Variants in CDH12 observed in about 807,000 individuals in gnomAD.
CDH12 encodes cadherin-12.
Under a neutral mutation model 74.1 loss-of-function variants are expected in CDH12, and 41 were observed. That is an observed-to-expected ratio of 0.55 (90% CI 0.43 to 0.72). The LOEUF is 0.72. Among genes scored for constraint, CDH12 ranks in the 30% least tolerant of loss-of-function variants. The pLI is 0.00. For missense variants in CDH12, 945 were observed against 977.2 expected, an observed-to-expected ratio of 0.97 and a Z score of 0.44; for synonymous variants, 399 against 355.0, an observed-to-expected ratio of 1.12 and a Z score of -1.39.
intron 1 of CDH12, among the ~76,000 whole-genome samples, chr5:22,568,444 A>C (rs1362451961): frequency 3.3e-5 from 5 of 152,200 alleles, no homozygotes; most frequent in African/African-American, 7.2e-5. Context: ...AGCTACAGTT[A>C]CTTCAAATAC....
intron 1 of CDH12, among the ~76,000 whole-genome samples, chr5:22,567,639 G>T (rs1371331958): frequency 2.0e-5 from 3 of 149,634 alleles, no homozygotes; most frequent in Non-Finnish European, 4.5e-5. Flanking sequence ...ATAATAATCA[G>T]GCAAACTGAA....
intron 3 of CDH12, among the ~76,000 whole-genome samples, chr5:22,342,772 C>CCCTTCCTT (rs1561328590): frequency 7.4e-6 from 1 of 135,540 alleles, no homozygotes; most frequent in Admixed American, 7.4e-5. Flanking sequence ...CTCCCTTCCT[C>CCCTTCCTT]ACTTCCTTCC....
At chr5:22,035,605 A>G (rs1250051012) in intron 5 of CDH12, among the ~76,000 whole-genome samples, 2 of 151,996 alleles carry the variant, frequency 1.3e-5, no homozygotes, top group East Asian at 3.9e-4. Flanking sequence ...TTAGAATATC[A>G]ATCATCATCA....
At chr5:22,795,344 GCAGAA>G (rs1213832238) in intron 1 of CDH12, among the ~76,000 whole-genome samples, 1 of 152,010 alleles carries the variant, frequency 6.6e-6, no homozygotes. Context: ...AAAAATAAGG[GCAGAA>G]CAAGTGTACA....
intron 5 of CDH12, among the ~76,000 whole-genome samples, chr5:22,058,452 C>T (rs944069177): frequency 5.3e-5 from 8 of 152,022 alleles, no homozygotes; most frequent in Admixed American, 3.3e-4. Flanking sequence ...ATGTATTTGT[C>T]CCCAGCAGTA....
chr5:22,742,773 C>T (rs1160388382), intron 1 of CDH12, among the ~76,000 whole-genome samples: 1 of 150,416 alleles, frequency 6.6e-6, no homozygotes, highest in Non-Finnish European at 1.5e-5. Context: ...TAGATATAAA[C>T]ACATATATAT....
At chr5:22,547,513 G>A (rs1262594928) in intron 1 of CDH12, among the ~76,000 whole-genome samples, 2 of 152,018 alleles carry the variant, frequency 1.3e-5, no homozygotes, top group Non-Finnish European at 2.9e-5. Context: ...TTCCTGATTA[G>A]AAATAGAAAT....
At chr5:22,061,226 T>C (rs1470832105) in intron 5 of CDH12, among the ~76,000 whole-genome samples, 3 of 152,190 alleles carry the variant, frequency 2.0e-5, no homozygotes, top group Admixed American at 1.3e-4. Context: ...GTAGAAATAA[T>C]ATGCTTCCTT....
At chr5:22,049,534 T>C (rs957798626) in intron 5 of CDH12, among the ~76,000 whole-genome samples, 4 of 152,140 alleles carry the variant, frequency 2.6e-5, no homozygotes, top group Admixed American at 2.6e-4. Context: ...TTCTAGTCTG[T>C]CCTATTCTCT....
At chr5:22,279,844 C>T (rs1239388331) in intron 3 of CDH12, among the ~76,000 whole-genome samples, 1 of 152,112 alleles carries the variant, frequency 6.6e-6, no homozygotes, top group Non-Finnish European at 1.5e-5. Flanking sequence ...CATACGAGTG[C>T]ATGTGTCTTT....
chr5:22,670,305 C>T (rs2126912287), intron 1 of CDH12, among the ~76,000 whole-genome samples: 1 of 152,254 alleles, frequency 6.6e-6, no homozygotes. Context: ...AAGTGTGATC[C>T]ACCATGCCCA....
intron 1 of CDH12, among the ~76,000 whole-genome samples, chr5:22,785,338 T>C (rs1451510757): frequency 1.3e-5 from 2 of 152,194 alleles, no homozygotes; most frequent in Non-Finnish European, 2.9e-5. Context: ...GTTGTGTACA[T>C]TCTTGATTCT....
At chr5:22,830,195 C>T (rs956573289) in intron 1 of CDH12, among the ~76,000 whole-genome samples, 3 of 151,926 alleles carry the variant, frequency 2.0e-5, no homozygotes, top group Admixed American at 2.0e-4. Context: ...ATGTGAATCA[C>T]AAGACAAAAT....
At chr5:21,902,544 T>C (rs1753439794) in intron 6 of CDH12, among the ~76,000 whole-genome samples, 1 of 151,058 alleles carries the variant, frequency 6.6e-6, no homozygotes, top group Non-Finnish European at 1.5e-5. Flanking sequence ...CTGTCTTCCA[T>C]ATAATCAGAA....
intron 4 of CDH12, among the ~76,000 whole-genome samples, chr5:22,209,860 T>C (rs1472320521): frequency 6.6e-6 from 1 of 152,160 alleles, no homozygotes; most frequent in Non-Finnish European, 1.5e-5. Flanking sequence ...ACAGTCACCA[T>C]ATATGAGGTA....
intron 1 of CDH12, among the ~76,000 whole-genome samples, chr5:22,657,864 C>T (rs903214605): frequency 6.6e-6 from 1 of 152,088 alleles, no homozygotes; most frequent in Non-Finnish European, 1.5e-5. Context: ...CCATCAAGTA[C>T]AATCCATAAA....
intron 1 of CDH12, among the ~76,000 whole-genome samples, chr5:22,729,960 C>A (rs532906658): frequency 2.0e-4 from 31 of 151,958 alleles, no homozygotes; most frequent in African/African-American, 7.5e-4. Flanking sequence ...AGCACTAAAA[C>A]TTCTACAGTA....
intron 2 of CDH12, among the ~76,000 whole-genome samples, chr5:22,435,966 C>T (rs1044251842): frequency 6.6e-6 from 1 of 151,784 alleles, no homozygotes; most frequent in South Asian, 2.1e-4. Flanking sequence ...AACTCTGCTC[C>T]ACGTATGTTT....
At chr5:22,246,229 C>A (rs938014066) in intron 3 of CDH12, among the ~76,000 whole-genome samples, 3 of 152,112 alleles carry the variant, frequency 2.0e-5, no homozygotes, top group African/African-American at 4.8e-5. Flanking sequence ...CTGTTAATGA[C>A]AATCTGTGTA....
Sources: allele counts gnomAD v4.1 joint callset (sites outside exome capture counted in the v4.1 genomes callset), GRCh38; gene constraint gnomAD v4.1.1; transcripts MANE v1.5; gene names NCBI Gene and HGNC (gene_info 2026-07-23, HGNC 2026-07-21).